Variants in CCSER1 observed in about 807,000 individuals in gnomAD.
CCSER1 encodes the protein serine-rich coiled-coil domain-containing protein 1.
A neutral mutation model predicts 82.0 loss-of-function variants in CCSER1; 41 were observed. That is an observed-to-expected ratio of 0.50 (90% CI 0.39 to 0.65). The LOEUF (loss-of-function observed/expected upper bound fraction) is 0.65. CCSER1 is among the 30% of genes least tolerant of loss of function. The pLI is 0.00. For synonymous variants in CCSER1, 414 were observed against 383.9 expected (o/e 1.08, Z -0.92); for missense variants, 1,119 against 1,064.2 (o/e 1.05, Z -0.72).
chr4:90,916,716 G>A (rs1727489432), intron 8 of CCSER1, among the ~76,000 whole-genome samples: 1 of 152,160 alleles, frequency 6.6e-6, no homozygotes, highest in Admixed American at 6.6e-5. Flanking sequence ...TACCATCAGA[G>A]TGAACAGGCA....
chr4:91,276,354 T>C (rs1742444860), intron 10 of CCSER1, among the ~76,000 whole-genome samples: 1 of 150,776 alleles, frequency 6.6e-6, no homozygotes, highest in South Asian at 2.1e-4. Flanking sequence ...TTTCCTTGAG[T>C]AGGTCTTTCA....
At chr4:90,481,796 A>G (rs528220837) in intron 5 of CCSER1, among the ~76,000 whole-genome samples, 316 of 152,282 alleles carry the variant, frequency 2.1e-3, no homozygotes, top group African/African-American at 7.5e-3. Context: ...GGATTTTTGC[A>G]TTAATGTTCA....
At chr4:91,150,495 G>A (rs1055701532) in intron 10 of CCSER1, among the ~76,000 whole-genome samples, 1 of 152,100 alleles carries the variant, frequency 6.6e-6, no homozygotes, top group Non-Finnish European at 1.5e-5. Flanking sequence ...TGATTGCCCT[G>A]GCTAGAACAT....
rs1317051140 is a variant in CCSER1 at position 90,933,017 on chromosome 4, AAAGAAAGAAAG to A, written c.2172+9573_2172+9583del. Among the ~76,000 whole-genome samples the A allele has an allele frequency of 1.9e-3, 166 of 89,020 alleles. 31 individuals are homozygous for A. The highest frequency in any genetic ancestry group is 2.6e-3 in the Non-Finnish European group (127 of 49,522). The allele number at this position is 89,020 out of a possible 152,430, so 58.4% of individuals were successfully genotyped here. A position where few individuals can be genotyped will look rare whatever the true frequency, so the allele number is the denominator to read the frequency against. On this transcript the variant is annotated intron_variant, in intron 9 of 10. Coordinates refer to ENST00000509176, the MANE Select transcript of CCSER1 (RefSeq NM_001145065.2). ...GAAAGAAAGAAAGAAAGAAAGAAAG[AAAGAAAGAAAG>A]AAAGAAAGAAAGAAAGAGAAGGAAG...
chr4:90,784,268 T>C (rs1015782094), intron 7 of CCSER1, among the ~76,000 whole-genome samples: 65 of 152,268 alleles, frequency 4.3e-4, no homozygotes, highest in African/African-American at 1.6e-3. Context: ...ACCTGTCTTT[T>C]CCCCATCATC....
intron 5 of CCSER1, among the ~76,000 whole-genome samples, chr4:90,599,301 G>A (rs1783755751): frequency 6.6e-6 from 1 of 152,068 alleles, no homozygotes; most frequent in South Asian, 2.1e-4. Flanking sequence ...TGTTGATAGT[G>A]AGGGAGTTCT....
intron 10 of CCSER1, among the ~76,000 whole-genome samples, chr4:91,532,033 A>G (rs1178418590): frequency 2.0e-5 from 3 of 152,166 alleles, no homozygotes; most frequent in Admixed American, 2.0e-4. Flanking sequence ...GACATATTAT[A>G]GCCAATCAGA....
At chr4:90,395,204 T>C (rs960103672) in intron 3 of CCSER1, among the ~76,000 whole-genome samples, 1 of 152,212 alleles carries the variant, frequency 6.6e-6, no homozygotes, top group Admixed American at 6.5e-5. Context: ...TTACTTCACT[T>C]AGTGTAATGT....
chr4:91,325,422 T>C, intron 10 of CCSER1: 1 of 274,574 alleles, frequency 3.6e-6, no homozygotes, highest in Non-Finnish European at 7.2e-6. Context: ...AGAAGTATTT[T>C]TAGCTAGTAC....
chr4:91,574,670 C>A (rs1053560187), intron 10 of CCSER1, among the ~76,000 whole-genome samples: 1 of 151,964 alleles, frequency 6.6e-6, no homozygotes, highest in African/African-American at 2.4e-5. Context: ...CATGTTCTCA[C>A]TTATAAGTAG....
At chr4:91,432,116 T>C (rs539161215) in intron 10 of CCSER1, among the ~76,000 whole-genome samples, 7 of 152,256 alleles carry the variant, frequency 4.6e-5, no homozygotes, top group East Asian at 3.9e-4. Flanking sequence ...CAGTTCCCCA[T>C]CCACCCCCTC....
At position 90,345,766 on chromosome 4, in the gene CCSER1, T is replaced by C. The variant is rs1579302346; in HGVS notation, c.1509+32719T>C. Among the ~76,000 whole-genome samples, 3 of 152,008 alleles carry C rather than the reference T, an allele frequency of 2.0e-5. No individual in the cohort carries two copies. In the Middle Eastern group the frequency reaches 0.01, roughly 517 times the overall value. The stretch of plus-strand genomic sequence containing the variant: ...CTCTTAGATTAATTCAATAGCCTCC[T>C]ATAAGATCTCCACATCTCTCTATCT... On this transcript the variant is annotated intron_variant, in intron 3 of 10. Transcript: ENST00000509176.
At chr4:90,559,179 A>T (rs1778444309) in intron 5 of CCSER1, among the ~76,000 whole-genome samples, 1 of 152,174 alleles carries the variant, frequency 6.6e-6, no homozygotes, top group African/African-American at 2.4e-5. Context: ...TTTGAGGCAA[A>T]ATCATGAAAT....
At chr4:91,574,054 T>C (rs1050602693) in intron 10 of CCSER1, among the ~76,000 whole-genome samples, 2 of 152,096 alleles carry the variant, frequency 1.3e-5, no homozygotes, top group Non-Finnish European at 2.9e-5. Context: ...TTGATTGGAA[T>C]AATTAATATT....
At chr4:90,906,148 G>A (rs72881393) in intron 8 of CCSER1, among the ~76,000 whole-genome samples, 2,373 of 152,164 alleles carry the variant, frequency 0.016, 58 homozygotes, top group African/African-American at 0.053. Flanking sequence ...CTCTAGTCAC[G>A]TGTAATCTCT....
intron 9 of CCSER1, among the ~76,000 whole-genome samples, chr4:90,991,087 T>G (rs981769895): frequency 6.6e-6 from 1 of 151,780 alleles, no homozygotes; most frequent in Non-Finnish European, 1.5e-5. Context: ...TGTGAGGAAA[T>G]GATCCACAGG....
At chr4:91,547,202 A>G (rs955902975) in intron 10 of CCSER1, among the ~76,000 whole-genome samples, 1 of 152,046 alleles carries the variant, frequency 6.6e-6, no homozygotes, top group Non-Finnish European at 1.5e-5. Context: ...TAGTGTATAG[A>G]TTCAATTACA....
At chr4:90,260,582 T>A (rs758673558) in intron 1 of CCSER1, among the ~76,000 whole-genome samples, 8 of 152,196 alleles carry the variant, frequency 5.3e-5, no homozygotes, top group Non-Finnish European at 1.0e-4. Flanking sequence ...TACTCCTACT[T>A]CTTCTGGTTT....
intron 3 of CCSER1, among the ~76,000 whole-genome samples, chr4:90,395,731 A>T (rs1290067465): frequency 6.6e-6 from 1 of 150,526 alleles, no homozygotes; most frequent in Non-Finnish European, 1.5e-5. Flanking sequence ...TCACAAAATG[A>T]TTTTCTTTTT....
Sources: allele counts gnomAD v4.1 joint callset (sites outside exome capture counted in the v4.1 genomes callset), GRCh38; gene constraint gnomAD v4.1.1; transcripts MANE v1.5; gene names NCBI Gene and HGNC (gene_info 2026-07-23, HGNC 2026-07-21).